Variants in CFAP20DC observed in about 807,000 individuals in gnomAD.
CFAP20DC encodes CFAP20 domain containing, also known as protein CFAP20DC.
A neutral mutation model predicts 101.7 loss-of-function variants in CFAP20DC; 84 were observed. The ratio of observed to expected loss-of-function variants is 0.83; its 90% CI spans 0.69 to 0.99. CFAP20DC has a LOEUF of 0.99. Among genes scored for constraint, CFAP20DC ranks in the 50% least tolerant of loss-of-function variants. The pLI is 0.00. For missense variants in CFAP20DC, 1,007 were observed against 970.3 expected (o/e 1.04, Z -0.50); for synonymous variants, 359 against 351.2 (o/e 1.02, Z -0.25).
chr3:58,936,524 C>A (rs1029422273), intron 5 of CFAP20DC, among the ~76,000 whole-genome samples: 4 of 152,014 alleles, frequency 2.6e-5, no homozygotes, highest in African/African-American at 9.7e-5. Flanking sequence ...GGAACCAAGC[C>A]AAATGTCCAA....
rs2079250482 is a variant in CFAP20DC at position 58,861,566 on chromosome 3, G to T, written c.1593+1992C>A. 2 of 984,480 alleles carry T rather than the reference G, an allele frequency of 2.0e-6. No individual in the cohort carries two copies. 61.0% of individuals were successfully genotyped at this position (984,480 alleles called of 1,614,324 possible). On this transcript the variant is annotated intron_variant, in intron 12 of 16. Transcript: ENST00000482387. The surrounding 1 kb of genome is among the most constrained non-coding windows in gnomAD (Gnocchi z 4.0). ...AGAAAAAATCCAATTTTGTTAAGAA[G>T]GTATCATTACACATGCTAAAACTTG...
chr3:58,716,765 G>T (rs948595650), downstream of CFAP20DC, among the ~76,000 whole-genome samples: 4 of 152,146 alleles, frequency 2.6e-5, no homozygotes, highest in African/African-American at 9.7e-5. Context: ...AGCTTGCACA[G>T]CAACTCCCTA....
intron 5 of CFAP20DC, among the ~76,000 whole-genome samples, chr3:58,937,112 C>T (rs1306801314): frequency 1.3e-5 from 2 of 152,126 alleles, no homozygotes; most frequent in African/African-American, 4.8e-5. Context: ...AGTTATACAA[C>T]GTACTTAAAA....
At position 58,852,786 on chromosome 3, in the gene CFAP20DC, C is replaced by T. The variant is rs561597269; in HGVS notation, c.1594-3377G>A. ...AAATAAAGATGTTCTTTGAAACCAA[C>T]GAGAACAAAGACACAACATACCAGA... On this transcript the variant is annotated intron_variant, in intron 12 of 16. Transcript: ENST00000482387. Among the ~76,000 whole-genome samples, 1,476 of 151,122 alleles carry T rather than the reference C, an allele frequency of 9.8e-3. 13 individuals carry two copies. The highest frequency in any genetic ancestry group is 0.014 in the Non-Finnish European group (961 of 67,794).
intron 4 of CFAP20DC, among the ~76,000 whole-genome samples, chr3:58,967,397 A>C (rs1576520619): frequency 6.6e-6 from 1 of 152,338 alleles, no homozygotes; most frequent in Non-Finnish European, 1.5e-5. Context: ...TTTAAGAGCT[A>C]AAACTATACA....
chr3:59,031,573 G>A (rs1423401411), intron 4 of CFAP20DC, among the ~76,000 whole-genome samples: 1 of 152,124 alleles, frequency 6.6e-6, no homozygotes, highest in Non-Finnish European at 1.5e-5. Context: ...TACTCTAAGA[G>A]CTATTTTAAA....
At chr3:58,734,852 T>A (rs1183126443) in intron 3 of CFAP20DC, among the ~76,000 whole-genome samples, 9 of 152,074 alleles carry the variant, frequency 5.9e-5, no homozygotes, top group Non-Finnish European at 7.4e-5. Flanking sequence ...GCTTACAACT[T>A]TGAGGGGAGT....
intron 15 of CFAP20DC, among the ~76,000 whole-genome samples, chr3:58,805,172 CGT>C (rs1039290689): frequency 5.3e-5 from 8 of 152,180 alleles, no homozygotes; most frequent in African/African-American, 1.4e-4. Flanking sequence ...GAAGTTCAGA[CGT>C]AGTCTGTTAG....
At position 58,721,412 on chromosome 3, in the gene CFAP20DC, T is replaced by C. The variant is rs1472155115; in HGVS notation, c.198-3784A>G. Among the ~76,000 whole-genome samples the C allele has an allele frequency of 7.4e-6, 1 of 134,942 alleles. No individual in the cohort carries two copies. The highest frequency in any genetic ancestry group is 7.7e-5 in the Admixed American group (1 of 12,938). 88.5% of individuals were successfully genotyped at this position (134,942 alleles called of 152,430 possible). A position where few individuals can be genotyped will look rare whatever the true frequency, so the allele number is the denominator to read the frequency against. On this transcript the variant is annotated intron_variant, in intron 3 of 3. Transcript: ENST00000486145. The surrounding 1 kb of genome is among the most constrained non-coding windows in gnomAD (Gnocchi z 5.2). Reference sequence around the variant, plus strand: ...TTTAAAAATTACAACCATGATAGGGTACCTAGTGCTATGAATATTTATTCC... The same window carrying C: ...TTTAAAAATTACAACCATGATAGGGCACCTAGTGCTATGAATATTTATTCC...
intron 4 of CFAP20DC, among the ~76,000 whole-genome samples, chr3:58,941,998 G>T (rs2088673506): frequency 6.6e-6 from 1 of 152,186 alleles, no homozygotes; most frequent in South Asian, 2.1e-4. Flanking sequence ...TATGATGTTA[G>T]AGCGTAGTTT....
At position 58,863,855 on chromosome 3, in the gene CFAP20DC, T is replaced by C. The variant is rs774197666; in HGVS notation, c.1296A>G (p.Ser432=). 2 of 1,613,788 alleles carry C rather than the reference T, an allele frequency of 1.2e-6. No homozygotes were observed. Among genetic ancestry groups the C allele is most frequent in the South Asian group, 2.2e-5 (2 of 90,980 alleles). ...WIFPENADHI[S]YLASSRQSLL... ...GAGACTGTCTGCTGGATGCCAGATA[T>C]GAAATGTGATCAGCATTTTCAGGAA... The change falls in exon 12 of 17, where the codon TCA becomes TCG. Residue 432 remains serine, a synonymous_variant. Transcript: ENST00000482387. The surrounding 1 kb of genome is among the most constrained non-coding windows in gnomAD (Gnocchi z 5.9).
intron 14 of CFAP20DC, among the ~76,000 whole-genome samples, chr3:58,815,981 A>T (rs1009387817): frequency 2.6e-5 from 4 of 151,674 alleles, no homozygotes; most frequent in Non-Finnish European, 5.9e-5. Flanking sequence ...AACTGGAAAT[A>T]TCATTTGACC....
chr3:58,869,194 C>T lies in CFAP20DC; in HGVS notation c.1015+134G>A, dbSNP rs976394501. The T allele has an allele frequency of 8.2e-6, 5 of 609,142 alleles. No individual in the cohort carries two copies. The African/African-American group carries it at 9.4e-5, about 11-fold the overall frequency. The allele number at this position is 609,142 out of a possible 1,614,324, so 37.7% of individuals were successfully genotyped here. On this transcript the variant is annotated intron_variant, in intron 9 of 16. Coordinates refer to ENST00000482387, the MANE Select transcript of CFAP20DC (RefSeq NM_001394063.1). The surrounding 1 kb of genome is among the most constrained non-coding windows in gnomAD (Gnocchi z 4.3). ...ATTTCAAATATATTTCAAAATCAAC[C>T]ACCCTTTTCATTATTAAATGACAAT...
At chr3:58,821,452 A>G (rs2107918727) in intron 14 of CFAP20DC, among the ~76,000 whole-genome samples, 1 of 152,284 alleles carries the variant, frequency 6.6e-6, no homozygotes, top group South Asian at 2.1e-4. Context: ...TCACAAGAAA[A>G]AAACAAACAA....
At chr3:58,982,914 G>T (rs2092621707) in intron 4 of CFAP20DC, among the ~76,000 whole-genome samples, 2 of 152,052 alleles carry the variant, frequency 1.3e-5, no homozygotes, top group South Asian at 4.2e-4. Context: ...TTGGAAGACA[G>T]GATTTTTCTC....
At chr3:58,746,619 T>C (rs1296738544) in intron 16 of CFAP20DC, among the ~76,000 whole-genome samples, 1 of 152,164 alleles carries the variant, frequency 6.6e-6, no homozygotes, top group African/African-American at 2.4e-5. Context: ...ATAACTGCGA[T>C]ATAAATGCAT....
In CFAP20DC at chr3:58,863,240, C is replaced by T; in HGVS notation, c.1593+318G>A. The T allele has an allele frequency of 6.0e-6, 8 of 1,344,356 alleles. No homozygotes were observed. The highest frequency in any genetic ancestry group is 7.6e-6 in the Non-Finnish European group (8 of 1,053,990). 83.3% of individuals were successfully genotyped at this position (1,344,356 alleles called of 1,614,324 possible). A position where few individuals can be genotyped will look rare whatever the true frequency, so the allele number is the denominator to read the frequency against. On this transcript the variant is annotated intron_variant, in intron 12 of 16. Transcript: ENST00000482387. This position sits in a 1 kb window ranked among gnomAD's most constrained non-coding sequence, Gnocchi z 5.9. ...AGAACAGTATATTCTCAGTGTTTTA[C>T]TGGTCTTGCTATCATAGCACTAAAC...
At chr3:58,817,120 C>T (rs1362067100) in intron 14 of CFAP20DC, among the ~76,000 whole-genome samples, 1 of 151,836 alleles carries the variant, frequency 6.6e-6, no homozygotes, top group African/African-American at 2.4e-5. Context: ...AAAGGACATC[C>T]ACACCGAAAA....
intron 15 of CFAP20DC, among the ~76,000 whole-genome samples, chr3:58,771,165 C>T (rs2070807648): frequency 6.6e-6 from 1 of 151,994 alleles, no homozygotes; most frequent in Non-Finnish European, 1.5e-5. Flanking sequence ...GAACCAAACA[C>T]TGCGTGTTCT....
Sources: allele counts gnomAD v4.1 joint callset (sites outside exome capture counted in the v4.1 genomes callset), GRCh38; gene constraint gnomAD v4.1.1; non-coding constraint Gnocchi (gnomAD v3.1); transcripts MANE v1.5; gene names NCBI Gene and HGNC (gene_info 2026-07-23, HGNC 2026-07-21).